The following PRKAR1B variants were observed in gnomAD, a reference collection of about 807,000 sequenced individuals.
PRKAR1B encodes the protein protein kinase cAMP-dependent type I regulatory subunit beta, also known as cAMP-dependent protein kinase type I-beta regulatory subunit.
A neutral mutation model predicts 46.5 loss-of-function variants in PRKAR1B; 22 were observed. The ratio of observed to expected loss-of-function variants is 0.47; its 90% CI spans 0.34 to 0.68. PRKAR1B has a LOEUF of 0.68. Ranked by LOEUF, PRKAR1B falls within the 30% of genes least tolerant of loss-of-function variation. The pLI is 0.01. For synonymous variants in PRKAR1B, 259 were observed against 217.7 expected (o/e 1.19, Z -1.67); for missense variants, 445 against 535.6 (o/e 0.83, Z 1.67).
chr7:558,874 G>T (rs930801372), intron 9 of PRKAR1B, among the ~76,000 whole-genome samples: 1 of 152,208 alleles, frequency 6.6e-6, no homozygotes, highest in Non-Finnish European at 1.5e-5. Flanking sequence ...AGCCTCCAAC[G>T]CTTCGGCTCA....
chr7:676,548 C>T (rs1325657993), intron 4 of PRKAR1B, among the ~76,000 whole-genome samples: 4 of 152,218 alleles, frequency 2.6e-5, no homozygotes, highest in Non-Finnish European at 2.9e-5. Context: ...GTATAGCGCG[C>T]GGGGGAACCG....
Position 667,472 on chromosome 7 carries a change from G to A in PRKAR1B, c.440+9757C>T, listed in dbSNP as rs546626972. ...TGTGCATGACTGTGTGCATAGGCGTGCCTGGGAATAAGACCACTCCAGCCC... is the reference window on the plus strand; with the variant it reads ...TGTGCATGACTGTGTGCATAGGCGTACCTGGGAATAAGACCACTCCAGCCC... On this transcript the variant is annotated intron_variant, in intron 4 of 10. Coordinates refer to ENST00000537384, the MANE Select transcript of PRKAR1B (RefSeq NM_001164760.2). This position sits in a 1 kb window ranked among gnomAD's most constrained non-coding sequence, Gnocchi z 4.3. Among the ~76,000 whole-genome samples the A allele has an allele frequency of 6.6e-6, 1 of 152,302 alleles. No homozygotes were observed. The highest frequency in any genetic ancestry group is 1.9e-4 in the East Asian group (1 of 5,188).
intron 4 of PRKAR1B, among the ~76,000 whole-genome samples, chr7:662,965 T>C (rs1021332721): frequency 1.3e-5 from 2 of 152,166 alleles, no homozygotes; most frequent in African/African-American, 4.8e-5. Context: ...TCAAACAGAC[T>C]GAAACCCAGA....
At chr7:577,885 C>T (rs1268065290) in intron 9 of PRKAR1B, among the ~76,000 whole-genome samples, 1 of 152,244 alleles carries the variant, frequency 6.6e-6, no homozygotes, top group Non-Finnish European at 1.5e-5. Flanking sequence ...TCCCGCTAGG[C>T]AGTGCGCTGA....
intron 4 of PRKAR1B, among the ~76,000 whole-genome samples, chr7:652,092 A>G (rs1398855340): frequency 2.4e-4 from 30 of 122,702 alleles, no homozygotes; most frequent in Non-Finnish European, 5.1e-5. Context: ...GTTCACACCC[A>G]CACAGCGCTA....
intron 8 of PRKAR1B, 35 bp downstream of exon 8, chr7:584,473 G>C (rs991940521): frequency 5.0e-6 from 8 of 1,602,614 alleles, no homozygotes; most frequent in Non-Finnish European, 6.8e-6. Context: ...CCCAGATGTC[G>C]GGACACACAG....
chr7:554,314 G>A (rs1778269692), intron 9 of PRKAR1B, among the ~76,000 whole-genome samples: 1 of 152,276 alleles, frequency 6.6e-6, no homozygotes, highest in Admixed American at 6.5e-5. Context: ...GAGCCGCTGT[G>A]AGCGGCGTTA....
intron 2 of PRKAR1B, 152 bp downstream of exon 2, chr7:711,177 C>G: frequency 9.3e-7 from 1 of 1,074,542 alleles, no homozygotes; most frequent in Non-Finnish European, 1.3e-6. Context: ...CGGCCTCTCT[C>G]CCCGCGCTTC....
At chr7:563,796 C>T (rs1554283031) in intron 9 of PRKAR1B, among the ~76,000 whole-genome samples, 3 of 150,932 alleles carry the variant, frequency 2.0e-5, no homozygotes, top group East Asian at 2.0e-4. Flanking sequence ...CATGTGTGTA[C>T]GTGTGTGTGC....
chr7:584,296 G>C (rs916448605), intron 8 of PRKAR1B, among the ~76,000 whole-genome samples: 1 of 152,262 alleles, frequency 6.6e-6, no homozygotes, highest in Non-Finnish European at 1.5e-5. Flanking sequence ...CCACGAGAGA[G>C]GAGGCAGGCT....
chr7:723,095 G>C (rs900301151), intron 1 of PRKAR1B, among the ~76,000 whole-genome samples: 1 of 152,214 alleles, frequency 6.6e-6, no homozygotes, highest in Non-Finnish European at 1.5e-5. Context: ...TGTCAGGACA[G>C]AACATGCTCG....
chr7:608,707 C>T (rs28547344), intron 4 of PRKAR1B, among the ~76,000 whole-genome samples: 1,350 of 72,658 alleles, frequency 0.019, 3 homozygotes, highest in Middle Eastern at 0.043. Context: ...GGGCCTCCAC[C>T]GTCCTCCCAC....
intron 4 of PRKAR1B, among the ~76,000 whole-genome samples, chr7:632,626 G>A (rs1783820935): frequency 1.3e-5 from 2 of 152,224 alleles, no homozygotes; most frequent in South Asian, 4.1e-4. Context: ...GGACACTGCG[G>A]CCCTCATGAT....
In PRKAR1B at chr7:708,340, G is replaced by T. The variant is rs4720493; in HGVS notation, c.177+2989C>A. ...GGAGACATTTCTGTTTAAGATGCCC[G>T]GTGTGTGGTACAGTCATCCCCTGGT... On this transcript the variant is annotated intron_variant, in intron 2 of 10. Transcript: ENST00000537384. Among the ~76,000 whole-genome samples the T allele has an allele frequency of 8.5e-5, 13 of 152,074 alleles. 1 individual carries two copies. Among genetic ancestry groups the T allele is most frequent in the Admixed American group, 7.9e-4 (12 of 15,266 alleles).
In PRKAR1B at chr7:694,657, C is replaced by G. The variant is rs965013414; in HGVS notation, c.178-13931G>C. Among the ~76,000 whole-genome samples the G allele has an allele frequency of 2.9e-4, 44 of 152,294 alleles. 1 individual carries two copies. Among genetic ancestry groups the G allele is most frequent in the African/African-American group, 9.9e-4 (41 of 41,558 alleles). ...CATTCTGCTCAGACCTCTGTGAGAG[C>G]TCACATCACGTGTTCCCAAGATGAT... On this transcript the variant is annotated intron_variant, in intron 2 of 10. Coordinates refer to ENST00000537384, the MANE Select transcript of PRKAR1B (RefSeq NM_001164760.2).
intron 9 of PRKAR1B, among the ~76,000 whole-genome samples, chr7:554,089 G>A (rs922098196): frequency 2.6e-5 from 4 of 152,240 alleles, no homozygotes; most frequent in Non-Finnish European, 5.9e-5. Flanking sequence ...CCTGGCACTG[G>A]CTCAGGCCAG....
intron 2 of PRKAR1B, among the ~76,000 whole-genome samples, chr7:695,789 G>A (rs908615112): frequency 1.1e-4 from 17 of 151,520 alleles, no homozygotes; most frequent in East Asian, 2.0e-4. Flanking sequence ...TCAGCTTCCC[G>A]AGTAGCTGGG....
chr7:561,198 CCACACACATG>C (rs1778774644), intron 9 of PRKAR1B, among the ~76,000 whole-genome samples: 1 of 151,374 alleles, frequency 6.6e-6, no homozygotes, highest in Non-Finnish European at 1.5e-5. Context: ...CACACACACC[CCACACACATG>C]CACACACAGG....
chr7:574,494 G>T (rs987110833), intron 9 of PRKAR1B, among the ~76,000 whole-genome samples: 1 of 152,038 alleles, frequency 6.6e-6, no homozygotes, highest in African/African-American at 2.4e-5. Context: ...GCCCAGGCTG[G>T]AGTACAATGG....
Sources: allele counts gnomAD v4.1 joint callset (sites outside exome capture counted in the v4.1 genomes callset), GRCh38; gene constraint gnomAD v4.1.1; non-coding constraint Gnocchi (gnomAD v3.1); transcripts MANE v1.5; gene names NCBI Gene and HGNC (gene_info 2026-07-23, HGNC 2026-07-21).